The following COL4A4 variants were observed in gnomAD, a reference collection of about 807,000 sequenced individuals.
COL4A4 encodes collagen type IV alpha 4 chain, also known as collagen alpha-4(IV) chain.
COL4A4 carries 105 observed loss-of-function variants against 192.9 expected under a neutral mutation model. That is an observed-to-expected ratio of 0.54 (90% CI 0.46 to 0.64). The LOEUF is 0.64. Ranked by LOEUF, COL4A4 falls within the 30% of genes least tolerant of loss-of-function variation. COL4A4 has a pLI of 0.00. For missense variants in COL4A4, 1,967 were observed against 2,169.3 expected (o/e 0.91, Z 1.85); for synonymous variants, 762 against 769.9 (o/e 0.99, Z 0.17).
intron 7 of COL4A4, among the ~76,000 whole-genome samples, chr2:227,116,208 G>C (rs1484173621): frequency 1.3e-5 from 2 of 152,180 alleles, no homozygotes; most frequent in East Asian, 3.8e-4. Flanking sequence ...CAGGGGTCTG[G>C]CATCTCATTG....
chr2:227,101,178 T>G (rs1007554881), intron 17 of COL4A4, among the ~76,000 whole-genome samples: 1 of 152,266 alleles, frequency 6.6e-6, no homozygotes, highest in South Asian at 2.1e-4. Flanking sequence ...GGAGTTTCCC[T>G]GTACAAACTC....
At chr2:227,075,417 A>G (rs547829476) in intron 25 of COL4A4, among the ~76,000 whole-genome samples, 1 of 152,346 alleles carries the variant, frequency 6.6e-6, no homozygotes, top group East Asian at 1.9e-4. Context: ...GAGACAGAAA[A>G]GGCCTTCAAT....
At chr2:227,067,423 T>A (rs999354105) in intron 25 of COL4A4, among the ~76,000 whole-genome samples, 4 of 152,086 alleles carry the variant, frequency 2.6e-5, no homozygotes, top group South Asian at 2.1e-4. Context: ...CATTTTTTTC[T>A]GCACCACACC....
intron 4 of COL4A4, among the ~76,000 whole-genome samples, chr2:227,136,902 C>T (rs949829235): frequency 8.3e-5 from 10 of 120,250 alleles, no homozygotes; most frequent in Non-Finnish European, 1.3e-4. Flanking sequence ...TGATAGTCCC[C>T]CGTGAGCTGT....
intron 7 of COL4A4, among the ~76,000 whole-genome samples, chr2:227,116,037 A>T (rs1335014886): frequency 1.3e-5 from 2 of 152,262 alleles, no homozygotes; most frequent in Admixed American, 1.3e-4. Context: ...TGAGAGGACG[A>T]CTACTGCCAA....
At chr2:227,050,023 G>C (rs375565310) in intron 34 of COL4A4, 45 bp downstream of exon 34, 125 of 1,553,748 alleles carry the variant, frequency 8.0e-5, no homozygotes, top group Non-Finnish European at 1.0e-4. Context: ...ATAAACATTC[G>C]GGACTATGCA....
chr2:227,143,509 C>T (rs569300747), intron 3 of COL4A4, among the ~76,000 whole-genome samples: 17 of 152,238 alleles, frequency 1.1e-4, no homozygotes, highest in African/African-American at 4.1e-4. Flanking sequence ...TCTCTGCACA[C>T]CACAAGCTGG....
chr2:227,044,406 A>T (rs1254010854), intron 35 of COL4A4, among the ~76,000 whole-genome samples: 1 of 152,172 alleles, frequency 6.6e-6, no homozygotes, highest in Non-Finnish European at 1.5e-5. Context: ...CTGCACATAA[A>T]ATATATGTCT....
chr2:226,987,144 A>G, the COL4A4 span, among the ~76,000 whole-genome samples: 1 of 152,162 alleles, frequency 6.6e-6, no homozygotes, highest in Non-Finnish European at 1.5e-5. Context: ...ACATGGACAC[A>G]GAGAGGGGAA....
At chr2:227,162,348 G>A (rs1311289140) in intron 1 of COL4A4, among the ~76,000 whole-genome samples, 3 of 152,184 alleles carry the variant, frequency 2.0e-5, no homozygotes, top group African/African-American at 7.2e-5. Context: ...TCTGGAATTT[G>A]GCAAAGAGAA....
chr2:227,061,467 A>G (rs1465508079), intron 26 of COL4A4, among the ~76,000 whole-genome samples: 1 of 152,230 alleles, frequency 6.6e-6, no homozygotes, highest in Non-Finnish European at 1.5e-5. Flanking sequence ...TGGCCTTGCA[A>G]TGAGATGCAT....
intron 1 of COL4A4, 50 bp from the exon 2 acceptor site, chr2:227,147,634 G>T: frequency 1.5e-6 from 1 of 671,878 alleles, no homozygotes; most frequent in Non-Finnish European, 2.7e-6. Flanking sequence ...TTATAATGTT[G>T]AAAATAATTA....
chr2:227,009,214 T>C (rs1270367945), intron 46 of COL4A4, among the ~76,000 whole-genome samples: 1 of 152,182 alleles, frequency 6.6e-6, no homozygotes, highest in Non-Finnish European at 1.5e-5. Context: ...ACTCTTTGAC[T>C]ACCCTTTTTA....
At chr2:226,992,568 C>T in the COL4A4 span, among the ~76,000 whole-genome samples, 1 of 152,142 alleles carries the variant, frequency 6.6e-6, no homozygotes, top group African/African-American at 2.4e-5. Context: ...ATGCTAGTAG[C>T]CAGTGGAATT....
chr2:227,092,767 G>T (rs4389330), intron 20 of COL4A4, among the ~76,000 whole-genome samples: 1 of 152,002 alleles, frequency 6.6e-6, no homozygotes, highest in East Asian at 1.9e-4. Context: ...ATTTATGGAA[G>T]CAAAATTATG....
chr2:227,115,890 T>TTAAC (rs113092030), intron 7 of COL4A4, among the ~76,000 whole-genome samples: 5,288 of 152,304 alleles, frequency 0.035, 296 homozygotes, highest in African/African-American at 0.12. Flanking sequence ...CCATTGTGTA[T>TTAAC]TGAGTACTTG....
At chr2:227,049,421 C>T (rs927436920) in intron 34 of COL4A4, among the ~76,000 whole-genome samples, 25 of 152,224 alleles carry the variant, frequency 1.6e-4, no homozygotes, top group African/African-American at 5.5e-4. Flanking sequence ...TACATATAGC[C>T]TATGGCTGCT....
At chr2:227,132,500 G>A (rs572249189) in intron 4 of COL4A4, among the ~76,000 whole-genome samples, 28 of 152,334 alleles carry the variant, frequency 1.8e-4, no homozygotes, top group African/African-American at 6.3e-4. Flanking sequence ...TAGAGGACGA[G>A]TGCAGTGGCT....
intron 43 of COL4A4, among the ~76,000 whole-genome samples, chr2:227,024,646 ATACT>A (rs1394791113): frequency 1.3e-5 from 2 of 152,272 alleles, no homozygotes; most frequent in African/African-American, 2.4e-5. Flanking sequence ...TAGTCTCCTA[ATACT>A]TACTGGGCCT....
Sources: gnomAD v4.1 joint callset for allele counts (sites outside exome capture counted in the v4.1 genomes callset) on GRCh38, gnomAD v4.1.1 for gene constraint, MANE v1.5 for transcripts, NCBI Gene and HGNC (gene_info 2026-07-23, HGNC 2026-07-21) for gene names.